MGAT4C: variants seen among roughly 807,000 people sequenced by gnomAD.
The protein encoded by MGAT4C is alpha-1,3-mannosyl-glycoprotein 4-beta-N-acetylglucosaminyltransferase C.
In MGAT4C, 19 loss-of-function variants were observed where a neutral mutation model predicts 40.1. That is an observed-to-expected ratio of 0.47 (90% CI 0.33 to 0.70). MGAT4C has a LOEUF of 0.70. Among genes scored for constraint, MGAT4C ranks in the 30% least tolerant of loss-of-function variants. The pLI, the probability that MGAT4C is intolerant of heterozygous loss-of-function variation, is 0.02. For synonymous variants in MGAT4C, 181 were observed against 187.1 expected (o/e 0.97, Z 0.27); for missense variants, 491 against 563.2 (o/e 0.87, Z 1.30).
intron 1 of MGAT4C, among the ~76,000 whole-genome samples, chr12:86,072,702 T>C (rs1282941708): frequency 6.6e-6 from 1 of 152,050 alleles, no homozygotes; most frequent in East Asian, 1.9e-4. Flanking sequence ...TGAAGAAAGT[T>C]GTGAGGGAGA....
Position 86,436,283 on chromosome 12 carries a change from G to A in MGAT4C, c.-228-1018C>T, listed in dbSNP as rs1452043528. Among the ~76,000 whole-genome samples the A allele has an allele frequency of 2.6e-5, 4 of 151,712 alleles. No homozygotes were observed. In the East Asian group the frequency reaches 7.7e-4, roughly 29 times the overall value. On this transcript the variant is annotated intron_variant, in intron 2 of 7. Coordinates refer to the MGAT4C transcript ENST00000548651. ...CAATTTTGTGCAACAAAACAATTTT[G>A]TGCAACAATTTATGATTGTAGAAAT...
intron 1 of MGAT4C, among the ~76,000 whole-genome samples, chr12:86,093,428 C>A (rs1420428942): frequency 6.6e-6 from 1 of 152,038 alleles, no homozygotes; most frequent in African/African-American, 2.4e-5. Context: ...TATTCATAGC[C>A]CTTAAAAGGC....
At chr12:86,810,100 A>C (rs1952443559) in intron 1 of MGAT4C, among the ~76,000 whole-genome samples, 1 of 152,004 alleles carries the variant, frequency 6.6e-6, no homozygotes, top group African/African-American at 2.4e-5. Context: ...TGTTTACCTC[A>C]GTATTGCAAA....
At chr12:86,558,798 T>C (rs1183770040) in intron 2 of MGAT4C, among the ~76,000 whole-genome samples, 1 of 151,800 alleles carries the variant, frequency 6.6e-6, no homozygotes, top group African/African-American at 2.4e-5. Flanking sequence ...ATGATGATAA[T>C]TAGAAAGTAA....
In MGAT4C at chr12:85,970,914, G is replaced by T. The variant is rs951486497; in HGVS notation, c.*8375C>A. The stretch of plus-strand genomic sequence containing the variant: ...TCCTAACACATGAGTGGCTAAAATT[G>T]CAAACTTAATCACATAAATAATGAG... On this transcript the variant is annotated 3_prime_UTR_variant, in exon 5 of 5. Transcript: ENST00000611864. The T allele has an allele frequency of 6.6e-6, 1 of 151,038 alleles. No homozygotes were observed. Among genetic ancestry groups the T allele is most frequent in the Non-Finnish European group, 1.5e-5 (1 of 67,322 alleles). The allele number at this position is 151,038 out of a possible 1,614,324, so 9.4% of individuals were successfully genotyped here. A position where few individuals can be genotyped will look rare whatever the true frequency, so the allele number is the denominator to read the frequency against.
chr12:86,099,855 T>G (rs1874643939), intron 1 of MGAT4C, among the ~76,000 whole-genome samples: 1 of 151,480 alleles, frequency 6.6e-6, no homozygotes, highest in Non-Finnish European at 1.5e-5. Flanking sequence ...TTTTAAAAAT[T>G]AAAACTTTCT....
At chr12:86,014,750 C>T (rs1888886843) in intron 2 of MGAT4C, among the ~76,000 whole-genome samples, 1 of 152,000 alleles carries the variant, frequency 6.6e-6, no homozygotes, top group South Asian at 2.1e-4. Context: ...TTTATTTGTA[C>T]TCTGCATTTT....
intron 2 of MGAT4C, among the ~76,000 whole-genome samples, chr12:85,994,892 G>A (rs554978902): frequency 2.0e-4 from 30 of 152,220 alleles, no homozygotes; most frequent in Admixed American, 1.6e-3. Flanking sequence ...TATGGGCTAT[G>A]ATTGATAGTA....
At chr12:86,648,383 C>A (rs1286999025) in intron 2 of MGAT4C, among the ~76,000 whole-genome samples, 5 of 151,758 alleles carry the variant, frequency 3.3e-5, no homozygotes, top group African/African-American at 4.8e-5. Context: ...TCTGTTGAAA[C>A]CTAGTCTACA....
chr12:86,533,660 CATTA>C (rs923802837), intron 2 of MGAT4C, among the ~76,000 whole-genome samples: 18 of 151,434 alleles, frequency 1.2e-4, no homozygotes, highest in East Asian at 3.9e-4. Context: ...TATATACACA[CATTA>C]ATTAAATTAC....
At chr12:86,365,292 T>C (rs2136206191) in intron 3 of MGAT4C, among the ~76,000 whole-genome samples, 1 of 152,314 alleles carries the variant, frequency 6.6e-6, no homozygotes, top group Non-Finnish European at 1.5e-5. Flanking sequence ...TCCCTGAACA[T>C]TGCTGTTATC....
intron 2 of MGAT4C, among the ~76,000 whole-genome samples, chr12:86,505,889 G>A (rs116790531): frequency 1.5e-3 from 229 of 152,080 alleles, no homozygotes; most frequent in African/African-American, 5.2e-3. Flanking sequence ...CCAAAATAGG[G>A]CCCTTTAAAT....
chr12:86,750,418 C>G (rs577593069), intron 1 of MGAT4C, among the ~76,000 whole-genome samples: 8 of 151,960 alleles, frequency 5.3e-5, no homozygotes, highest in African/African-American at 1.9e-4. Flanking sequence ...TCATTTTAAA[C>G]TAGATCTGCT....
At chr12:86,146,106 T>G (rs1206310202) in intron 1 of MGAT4C, among the ~76,000 whole-genome samples, 3 of 152,146 alleles carry the variant, frequency 2.0e-5, no homozygotes, top group East Asian at 3.9e-4. Context: ...TACAACAGCA[T>G]AGCAATATTT....
intron 2 of MGAT4C, among the ~76,000 whole-genome samples, chr12:86,694,840 T>G (rs1279369481): frequency 6.6e-6 from 1 of 152,194 alleles, no homozygotes; most frequent in African/African-American, 2.4e-5. Flanking sequence ...GGCAGCTCTC[T>G]GGAACATTGG....
intron 1 of MGAT4C, among the ~76,000 whole-genome samples, chr12:86,078,548 A>G (rs1333068396): frequency 3.3e-5 from 5 of 152,198 alleles, no homozygotes; most frequent in Admixed American, 3.3e-4. Context: ...AAGAGGTCCA[A>G]TATAATTAAC....
rs1955437202 is a variant in MGAT4C, at chr12:86,360,456, A to G, written c.-119-26329T>C. Among the ~76,000 whole-genome samples the G allele has an allele frequency of 2.6e-5, 4 of 152,210 alleles. No homozygotes were observed. The South Asian group carries it at 8.3e-4, about 32-fold the overall frequency. ...AGGGATGCCCTCTCTCACCACTTCTATTCAACATAGTGTTGGAAGATCTGG... is the reference window on the plus strand; with the variant it reads ...AGGGATGCCCTCTCTCACCACTTCTGTTCAACATAGTGTTGGAAGATCTGG... On this transcript the variant is annotated intron_variant, in intron 3 of 7. Coordinates refer to the MGAT4C transcript ENST00000548651.
intron 2 of MGAT4C, among the ~76,000 whole-genome samples, chr12:86,515,904 A>G (rs972964379): frequency 2.7e-4 from 41 of 151,822 alleles, no homozygotes; most frequent in African/African-American, 9.4e-4. Context: ...CACCACGCCC[A>G]GCTAATTTTT....
At chr12:86,328,684 TATC>T (rs1375845542) in intron 4 of MGAT4C, among the ~76,000 whole-genome samples, 4 of 152,052 alleles carry the variant, frequency 2.6e-5, no homozygotes, top group African/African-American at 4.8e-5. Flanking sequence ...TAAAGACAAA[TATC>T]ATCTTCACAA....
Sources: gnomAD v4.1 joint callset for allele counts (sites outside exome capture counted in the v4.1 genomes callset) on GRCh38, gnomAD v4.1.1 for gene constraint, MANE v1.5 for transcripts, NCBI Gene and HGNC (gene_info 2026-07-23, HGNC 2026-07-21) for gene names.